LIN7A: variants seen among roughly 807,000 people sequenced by gnomAD.
LIN7A encodes the protein lin-7 cell polarity scaffold A, also known as protein lin-7 homolog A.
LIN7A carries 25 observed loss-of-function variants against 29.8 expected under a neutral mutation model. The observed-to-expected ratio is 0.84, with a 90% CI of 0.61 to 1.17. LIN7A has a LOEUF of 1.17. Ranked by LOEUF, LIN7A falls within the 50% of genes most tolerant of loss-of-function variation. LIN7A has a pLI of 0.00. For synonymous variants in LIN7A, 118 were observed against 107.5 expected, an observed-to-expected ratio of 1.10 and a Z score of -0.60; for missense variants, 239 against 287.0, an observed-to-expected ratio of 0.83 and a Z score of 1.21.
chr12:80,831,124 G>GT (rs1242731781), intron 4 of LIN7A, among the ~76,000 whole-genome samples: 2 of 151,992 alleles, frequency 1.3e-5, no homozygotes, highest in Non-Finnish European at 2.9e-5. Context: ...GCTTCAAATT[G>GT]TACAATGTAG....
intron 4 of LIN7A, chr12:80,841,986 T>C: frequency 1.6e-6 from 2 of 1,217,232 alleles, no homozygotes; most frequent in Non-Finnish European, 2.1e-6. Flanking sequence ...GTATTTTCTA[T>C]GGAATTGTAT....
intron 2 of LIN7A, among the ~76,000 whole-genome samples, chr12:80,857,031 C>T (rs1333799259): frequency 2.6e-5 from 4 of 152,158 alleles, no homozygotes; most frequent in Middle Eastern, 3.2e-3. Context: ...CATGCAGGAA[C>T]TGTACAAGGT....
chr12:80,820,150 G>A (rs564971131), intron 4 of LIN7A, among the ~76,000 whole-genome samples: 4 of 152,026 alleles, frequency 2.6e-5, no homozygotes, highest in African/African-American at 9.7e-5. Context: ...CAACAATGTC[G>A]CGCTCTGTTA....
At chr12:80,930,791 A>C (rs919541676) in intron 1 of LIN7A, among the ~76,000 whole-genome samples, 7 of 152,232 alleles carry the variant, frequency 4.6e-5, no homozygotes, top group Admixed American at 2.0e-4. Context: ...TAAGGTAGCC[A>C]CTACTTTTCA....
At chr12:80,899,242 T>C (rs1876070170) in intron 1 of LIN7A, among the ~76,000 whole-genome samples, 1 of 152,186 alleles carries the variant, frequency 6.6e-6, no homozygotes, top group Non-Finnish European at 1.5e-5. Flanking sequence ...CATGATCATA[T>C]GGGTTTTGTT....
chr12:80,904,759 T>A (rs1876387053), intron 1 of LIN7A, among the ~76,000 whole-genome samples: 1 of 152,250 alleles, frequency 6.6e-6, no homozygotes, highest in African/African-American at 2.4e-5. Context: ...TATATATACA[T>A]AATGAGATGT....
chr12:80,802,780 A>G lies in LIN7A; in HGVS notation c.*1-5054T>C, dbSNP rs549981278. 2.0e-5 allele frequency among the ~76,000 whole-genome samples: 3 copies of G among 151,644 alleles called. No individual in the cohort carries two copies. The South Asian group carries it at 6.2e-4, about 32-fold the overall frequency. ...CTCCTCCTCCTGTGTAGCCGGGACTACAGGTGCTTGCTACCACATCTGGCT... is the reference window on the plus strand; with the variant it reads ...CTCCTCCTCCTGTGTAGCCGGGACTGCAGGTGCTTGCTACCACATCTGGCT... On this transcript the variant is annotated intron_variant, in intron 5 of 5. Transcript: ENST00000552864.
At chr12:80,907,991 G>A (rs536101762) in intron 1 of LIN7A, among the ~76,000 whole-genome samples, 1 of 152,118 alleles carries the variant, frequency 6.6e-6, no homozygotes, top group African/African-American at 2.4e-5. Flanking sequence ...TTATAGATAA[G>A]CAAACCAAAA....
At chr12:80,852,486 T>C (rs569729377) in intron 2 of LIN7A, among the ~76,000 whole-genome samples, 91 of 152,268 alleles carry the variant, frequency 6.0e-4, no homozygotes, top group African/African-American at 1.9e-3. Flanking sequence ...TAAAAGCCTA[T>C]ATTCAAAGAG....
intron 1 of LIN7A, 173 bp downstream of exon 1, chr12:80,937,468 G>C: frequency 2.4e-6 from 1 of 419,466 alleles, no homozygotes; most frequent in East Asian, 3.6e-5. Context: ...ACGTAGCGGG[G>C]AGAGAAAGGG....
intron 1 of LIN7A, among the ~76,000 whole-genome samples, chr12:80,914,531 AATCAAACACTCCC>A (rs1876933081): frequency 6.6e-6 from 1 of 152,120 alleles, no homozygotes; most frequent in Non-Finnish European, 1.5e-5. Context: ...AAACACTCTC[AATCAAACACTCCC>A]ATCAAAAGAA....
At position 80,826,582 on chromosome 12, in the gene LIN7A, G is replaced by A. The variant is rs571701921; in HGVS notation, c.484-14899C>T. On this transcript the variant is annotated intron_variant, in intron 4 of 5. Transcript: ENST00000552864. The stretch of plus-strand genomic sequence containing the variant: ...CTGTGGCTCAGCCTAGAGTGCGGTG[G>A]CATGGTCTTGGCTCACTGCAACTTT... Among the ~76,000 whole-genome samples, 289 of 152,064 alleles carry A rather than the reference G, an allele frequency of 1.9e-3. 1 individual carries two copies. The highest frequency in any genetic ancestry group is 6.5e-3 in the African/African-American group (271 of 41,474).
chr12:80,823,437 GC>G (rs1871910555), intron 4 of LIN7A, among the ~76,000 whole-genome samples: 1 of 152,220 alleles, frequency 6.6e-6, no homozygotes, highest in Non-Finnish European at 1.5e-5. Flanking sequence ...ACCTGGTCCA[GC>G]CACAGCCTTC....
chr12:80,856,173 C>T (rs1873586615), intron 2 of LIN7A, among the ~76,000 whole-genome samples: 1 of 152,130 alleles, frequency 6.6e-6, no homozygotes, highest in African/African-American at 2.4e-5. Flanking sequence ...GTAAGATCAT[C>T]AAGGCTCAAA....
chr12:80,825,676 T>C (rs923856214), intron 4 of LIN7A, among the ~76,000 whole-genome samples: 13 of 152,176 alleles, frequency 8.5e-5, no homozygotes, highest in African/African-American at 3.1e-4. Flanking sequence ...CTATCTCCTC[T>C]TCCAAGATGA....
At chr12:80,890,488 A>G (rs924327258) in intron 1 of LIN7A, among the ~76,000 whole-genome samples, 6 of 152,178 alleles carry the variant, frequency 3.9e-5, no homozygotes, top group Non-Finnish European at 2.9e-5. Flanking sequence ...AAAGCTCGCA[A>G]TCTAATGAGA....
chr12:80,825,149 G>A (rs1316672283), intron 4 of LIN7A, among the ~76,000 whole-genome samples: 3 of 152,134 alleles, frequency 2.0e-5, no homozygotes, highest in Non-Finnish European at 4.4e-5. Flanking sequence ...AAAATCAATA[G>A]CCAGGAAGGG....
intron 1 of LIN7A, among the ~76,000 whole-genome samples, chr12:80,924,720 A>T (rs1366536588): frequency 6.6e-6 from 1 of 152,210 alleles, no homozygotes; most frequent in Non-Finnish European, 1.5e-5. Flanking sequence ...AAGAAAGTTA[A>T]AAGTCACTCT....
chr12:80,903,540 T>A (rs1312597015), intron 1 of LIN7A, among the ~76,000 whole-genome samples: 1 of 152,150 alleles, frequency 6.6e-6, no homozygotes, highest in Non-Finnish European at 1.5e-5. Flanking sequence ...CATTATTTTT[T>A]ATGACTGAAT....
Sources: allele counts gnomAD v4.1 joint callset (sites outside exome capture counted in the v4.1 genomes callset), GRCh38; gene constraint gnomAD v4.1.1; transcripts MANE v1.5; gene names NCBI Gene and HGNC (gene_info 2026-07-23, HGNC 2026-07-21).